The following C1QTNF3 variants were observed in gnomAD, a reference collection of about 807,000 sequenced individuals.
C1QTNF3 encodes complement C1q tumor necrosis factor-related protein 3.
Under a neutral mutation model 32.6 loss-of-function variants are expected in C1QTNF3, and 26 were observed. That is an observed-to-expected ratio of 0.80 (90% CI 0.58 to 1.11). C1QTNF3 has a LOEUF of 1.11. C1QTNF3 is among the 50% of genes least tolerant of loss of function. C1QTNF3 has a pLI of 0.00. For synonymous variants in C1QTNF3, 155 were observed against 146.0 expected, an observed-to-expected ratio of 1.06 and a Z score of -0.44; for missense variants, 362 against 398.2, an observed-to-expected ratio of 0.91 and a Z score of 0.77.
At chr5:34,160,009 T>C in the C1QTNF3 span, among the ~76,000 whole-genome samples, 1 of 152,160 alleles carries the variant, frequency 6.6e-6, no homozygotes, top group African/African-American at 2.4e-5. Flanking sequence ...GTTCCTACCT[T>C]TAGACCAAAG....
chr5:34,220,526 C>T, the C1QTNF3 span, among the ~76,000 whole-genome samples: 109 of 151,890 alleles, frequency 7.2e-4, no homozygotes, highest in African/African-American at 2.2e-3. Flanking sequence ...ACACCACACA[C>T]GCACAAGCAC....
chr5:34,038,504 G>A (rs1384877890), intron 1 of C1QTNF3, among the ~76,000 whole-genome samples: 2 of 152,124 alleles, frequency 1.3e-5, no homozygotes, highest in Non-Finnish European at 2.9e-5. Context: ...ACCTTTCCCT[G>A]CCTCCCAGTC....
the C1QTNF3 span, among the ~76,000 whole-genome samples, chr5:34,215,648 G>GT: frequency 5.9e-5 from 9 of 152,026 alleles, no homozygotes; most frequent in Admixed American, 5.9e-4. Flanking sequence ...GTGTTGTTTT[G>GT]TTTTTTTACT....
chr5:34,138,063 C>T, the C1QTNF3 span, among the ~76,000 whole-genome samples: 4 of 152,162 alleles, frequency 2.6e-5, no homozygotes, highest in African/African-American at 9.7e-5. Flanking sequence ...GAGACAATCA[C>T]GTGAACACAC....
chr5:34,119,925 A>G, the C1QTNF3 span, among the ~76,000 whole-genome samples: 1 of 152,202 alleles, frequency 6.6e-6, no homozygotes, highest in Non-Finnish European at 1.5e-5. Flanking sequence ...ACATAATAAC[A>G]TATTCACAGA....
chr5:34,068,341 T>C, the C1QTNF3 span, among the ~76,000 whole-genome samples: 1 of 152,118 alleles, frequency 6.6e-6, no homozygotes, highest in South Asian at 2.1e-4. Context: ...TCTGATGATT[T>C]TATATTCTAC....
the C1QTNF3 span, among the ~76,000 whole-genome samples, chr5:34,235,565 T>G: frequency 8.0e-6 from 1 of 124,776 alleles, no homozygotes; most frequent in East Asian, 2.5e-4. Context: ...TTTTTTTTTT[T>G]GCCTGTGTTT....
chr5:34,045,893 C>T (rs114335141), upstream of C1QTNF3, among the ~76,000 whole-genome samples: 3,527 of 152,160 alleles, frequency 0.023, 86 homozygotes, highest in African/African-American at 0.064. Flanking sequence ...CCAAAAGAAA[C>T]TTAAGTCCTA....
the C1QTNF3 span, among the ~76,000 whole-genome samples, chr5:34,077,941 C>A: frequency 1.6e-4 from 24 of 151,772 alleles, no homozygotes; most frequent in African/African-American, 5.8e-4. Context: ...TACAAAAGTG[C>A]AAAATAGAGA....
the C1QTNF3 span, among the ~76,000 whole-genome samples, chr5:34,225,921 G>A: frequency 9.6e-4 from 131 of 137,002 alleles, no homozygotes; most frequent in Admixed American, 1.9e-3. Context: ...TTATTTGAAT[G>A]CAAAAAAATA....
the C1QTNF3 span, among the ~76,000 whole-genome samples, chr5:34,069,203 T>C: frequency 6.8e-6 from 1 of 146,258 alleles, no homozygotes; most frequent in Non-Finnish European, 1.5e-5. Context: ...CAATATTTCA[T>C]TCAGGTTTCT....
chr5:34,128,738 T>C, the C1QTNF3 span, among the ~76,000 whole-genome samples: 1 of 152,240 alleles, frequency 6.6e-6, no homozygotes, highest in Non-Finnish European at 1.5e-5. Flanking sequence ...ACAGGAGTTA[T>C]CTACCCAATG....
chr5:34,215,758 G>C, the C1QTNF3 span, among the ~76,000 whole-genome samples: 1 of 152,076 alleles, frequency 6.6e-6, no homozygotes, highest in Admixed American at 6.6e-5. Context: ...TCAGCCACCT[G>C]AGTAGCTGAT....
the C1QTNF3 span, among the ~76,000 whole-genome samples, chr5:34,230,617 T>G: frequency 2.0e-5 from 3 of 152,200 alleles, no homozygotes; most frequent in African/African-American, 7.2e-5. Flanking sequence ...AATATTAAAA[T>G]TATTCAGCTT....
At chr5:34,238,296 A>G in the C1QTNF3 span, among the ~76,000 whole-genome samples, 77,475 of 151,892 alleles carry the variant, frequency 0.51, 22,982 homozygotes, top group Non-Finnish European at 0.66. Context: ...GTCTAAAATA[A>G]TTGCAACAGA....
intron 1 of C1QTNF3, among the ~76,000 whole-genome samples, chr5:34,039,455 G>A (rs1468817173): frequency 6.6e-6 from 1 of 152,192 alleles, no homozygotes; most frequent in Non-Finnish European, 1.5e-5. Context: ...GAATTGAGGA[G>A]CCAAGAATTG....
the C1QTNF3 span, among the ~76,000 whole-genome samples, chr5:34,229,955 T>C: frequency 6.6e-6 from 1 of 152,086 alleles, no homozygotes; most frequent in Non-Finnish European, 1.5e-5. Flanking sequence ...ACCCTTCTCT[T>C]TCTCTCTCCA....
the C1QTNF3 span, among the ~76,000 whole-genome samples, chr5:34,156,992 C>T: frequency 6.6e-6 from 1 of 152,112 alleles, no homozygotes; most frequent in Admixed American, 6.5e-5. Context: ...CTCTCCAAAC[C>T]TCTTTTTGCT....
rs1379336976 is a variant in C1QTNF3, at chr5:34,024,245, G to A, written c.701-237C>T. 7.7e-5 allele frequency: 33 copies of A among 429,008 alleles called. 2 individuals carry two copies. Among genetic ancestry groups the A allele is most frequent in the South Asian group, 7.6e-4 (30 of 39,368 alleles). 26.6% of individuals were successfully genotyped at this position (429,008 alleles called of 1,614,324 possible). The stretch of plus-strand genomic sequence containing the variant: ...GACTTAAAAGTCTTTAAGGGAAGGA[G>A]CCTACCTCATTTTAACTGTATCTCA... On this transcript the variant is annotated intron_variant, in intron 4 of 5. Transcript: ENST00000382065.
Sources: allele counts gnomAD v4.1 joint callset (sites outside exome capture counted in the v4.1 genomes callset), GRCh38; gene constraint gnomAD v4.1.1; transcripts MANE v1.5; gene names NCBI Gene and HGNC (gene_info 2026-07-23, HGNC 2026-07-21).